Variants in GRIA4 observed in about 807,000 individuals in gnomAD.
GRIA4 encodes glutamate receptor 4.
In GRIA4, 34 loss-of-function variants were observed where a neutral mutation model predicts 104.0. The observed-to-expected ratio is 0.33, with a 90% confidence interval of 0.25 to 0.44. The LOEUF is 0.44. GRIA4 is among the 20% of genes least tolerant of loss of function. GRIA4 has a pLI of 1.00. For synonymous variants in GRIA4, 386 were observed against 381.9 expected (o/e 1.01, Z -0.13); for missense variants, 750 against 1,096.5 (o/e 0.68, Z 4.46).
At chr11:105,972,897 T>C (rs1168938718) in intron 15 of GRIA4, among the ~76,000 whole-genome samples, 2 of 152,172 alleles carry the variant, frequency 1.3e-5, no homozygotes, top group African/African-American at 2.4e-5. Context: ...AACAAATTAC[T>C]GGATATTCTA....
intron 4 of GRIA4, among the ~76,000 whole-genome samples, chr11:105,761,970 T>C (rs1424317648): frequency 1.3e-5 from 2 of 152,206 alleles, no homozygotes; most frequent in Non-Finnish European, 2.9e-5. Flanking sequence ...TAAACAGTGT[T>C]ACTACCCATG....
intron 4 of GRIA4, among the ~76,000 whole-genome samples, chr11:105,779,937 A>C (rs1030313751): frequency 2.0e-5 from 3 of 152,178 alleles, no homozygotes; most frequent in Admixed American, 6.6e-5. Context: ...AAGCTATGGA[A>C]TCTTTCAGTG....
chr11:105,855,023 T>C (rs1013109920), intron 4 of GRIA4, among the ~76,000 whole-genome samples: 4 of 152,220 alleles, frequency 2.6e-5, no homozygotes, highest in Admixed American at 6.5e-5. Flanking sequence ...AGTTTATGAA[T>C]ACATTACTCC....
chr11:105,837,109 T>G (rs1355168392), intron 4 of GRIA4, among the ~76,000 whole-genome samples: 3 of 152,082 alleles, frequency 2.0e-5, no homozygotes, highest in Non-Finnish European at 4.4e-5. Context: ...AAGGAGGAAC[T>G]GTCAAACACT....
At chr11:105,971,258 G>A (rs148296296) in intron 14 of GRIA4, among the ~76,000 whole-genome samples, 1 of 152,278 alleles carries the variant, frequency 6.6e-6, no homozygotes. Flanking sequence ...TATTATTTAT[G>A]TTAAAGACTG....
At chr11:105,684,602 A>G (rs1282707630) in intron 3 of GRIA4, among the ~76,000 whole-genome samples, 1 of 147,208 alleles carries the variant, frequency 6.8e-6, no homozygotes, top group African/African-American at 2.5e-5. Flanking sequence ...ATATAAATAT[A>G]TTTTTATATA....
In GRIA4 at chr11:105,926,745, C is replaced by T; in HGVS notation, c.1852C>T (p.Leu618Phe). The change falls in exon 13 of 17, where the codon CTC becomes TTC. Residue 618 changes from leucine (L) to phenylalanine (F), a missense_variant. Leu to Phe is a conservative substitution (Grantham distance 22). Around this residue, in one of 3 missense-constraint regions of GRIA4, gnomAD observed 272 missense variants for 524.5 expected, o/e 0.52. Transcript: ENST00000282499. The stretch of plus-strand genomic sequence containing the variant: ...CATTATTTTATCCATGTTTAGATCC[C>T]TCTCAGGTCGAATTGTTGGAGGTGT... ...QQGCDISPRS[L>F]SGRIVGGVWW... is the part of the protein sequence containing the mutation. 1 of 1,592,928 alleles carries T rather than the reference C, an allele frequency of 6.3e-7. No homozygotes were observed. Among genetic ancestry groups the T allele is most frequent in the Non-Finnish European group, 8.6e-7 (1 of 1,161,184 alleles).
At chr11:105,675,327 G>T (rs1028596087) in intron 3 of GRIA4, among the ~76,000 whole-genome samples, 2 of 151,772 alleles carry the variant, frequency 1.3e-5, no homozygotes, top group Non-Finnish European at 2.9e-5. Flanking sequence ...GAAATCTTCT[G>T]CACATTTTGA....
intron 5 of GRIA4, among the ~76,000 whole-genome samples, chr11:105,863,067 A>G (rs754777689): frequency 3.9e-5 from 6 of 152,210 alleles, no homozygotes; most frequent in Non-Finnish European, 8.8e-5. Flanking sequence ...AGTTTTTTAC[A>G]TATAGCTTAA....
chr11:105,742,579 T>C (rs1043947862), intron 3 of GRIA4, among the ~76,000 whole-genome samples: 5 of 149,456 alleles, frequency 3.3e-5, no homozygotes, highest in African/African-American at 1.2e-4. Context: ...TGTGTATATA[T>C]ATACAAGTGT....
chr11:105,669,389 C>CAT (rs35309516), intron 3 of GRIA4, among the ~76,000 whole-genome samples: 69,540 of 151,398 alleles, frequency 0.46, 16,052 homozygotes, highest in East Asian at 0.56. Context: ...TATATCATGT[C>CAT]ATATATATAT....
intron 3 of GRIA4, among the ~76,000 whole-genome samples, chr11:105,711,666 G>T (rs548564034): frequency 5.9e-5 from 9 of 152,182 alleles, no homozygotes; most frequent in African/African-American, 1.9e-4. Context: ...TACATGAATG[G>T]TGACATAGGG....
chr11:105,749,091 G>A (rs534819413), intron 3 of GRIA4, among the ~76,000 whole-genome samples: 1 of 152,196 alleles, frequency 6.6e-6, no homozygotes, highest in African/African-American at 2.4e-5. Flanking sequence ...GAAACGCCAA[G>A]AGAGAGCATA....
intron 6 of GRIA4, among the ~76,000 whole-genome samples, chr11:105,889,258 A>G (rs1946381398): frequency 6.6e-6 from 1 of 152,190 alleles, no homozygotes; most frequent in South Asian, 2.1e-4. Context: ...CAGTGTATTT[A>G]AGTTATCTAG....
At chr11:105,854,561 G>C (rs933047340) in intron 4 of GRIA4, among the ~76,000 whole-genome samples, 2 of 152,174 alleles carry the variant, frequency 1.3e-5, no homozygotes, top group East Asian at 3.9e-4. Flanking sequence ...TGCAAAGCGG[G>C]CAAAGGTGGA....
intron 4 of GRIA4, among the ~76,000 whole-genome samples, chr11:105,833,458 G>A (rs906151006): frequency 1.3e-5 from 2 of 151,872 alleles, no homozygotes; most frequent in Admixed American, 1.3e-4. Flanking sequence ...TATAGATACA[G>A]ACAGATACAG....
At chr11:105,761,220 G>A (rs374623578) in intron 4 of GRIA4, among the ~76,000 whole-genome samples, 81 of 152,032 alleles carry the variant, frequency 5.3e-4, no homozygotes, top group Middle Eastern at 6.8e-3. Flanking sequence ...GGTAATGAAC[G>A]CCTCTCTCAT....
intron 4 of GRIA4, among the ~76,000 whole-genome samples, chr11:105,776,461 T>C (rs1406606692): frequency 1.3e-5 from 2 of 151,946 alleles, no homozygotes; most frequent in Non-Finnish European, 2.9e-5. Context: ...TATGGAAAAA[T>C]AGATAGTAAA....
chr11:105,866,551 G>GTGTATA (rs1299256765), intron 5 of GRIA4, among the ~76,000 whole-genome samples: 787 of 76,582 alleles, frequency 0.01, 5 homozygotes, highest in Non-Finnish European at 0.013. Flanking sequence ...GTGTGTGTGT[G>GTGTATA]TATATATATA....
Sources: allele counts gnomAD v4.1 joint callset (sites outside exome capture counted in the v4.1 genomes callset), GRCh38; gene constraint gnomAD v4.1.1; regional missense constraint gnomAD v4.1.1; transcripts MANE v1.5; gene names NCBI Gene and HGNC (gene_info 2026-07-23, HGNC 2026-07-21).